KHDRBS2: variants seen among roughly 807,000 people sequenced by gnomAD.
KHDRBS2 encodes KH RNA binding domain containing, signal transduction associated 2, also known as KH domain-containing, RNA-binding, signal transduction-associated protein 2.
Under a neutral mutation model 44.3 loss-of-function variants are expected in KHDRBS2, and 26 were observed. The ratio of observed to expected loss-of-function variants is 0.59; its 90% CI spans 0.43 to 0.81. KHDRBS2 has a LOEUF of 0.81. KHDRBS2 is among the 40% of genes least tolerant of loss of function. KHDRBS2 has a pLI of 0.00. For missense variants in KHDRBS2, 476 were observed against 433.1 expected (o/e 1.10, Z -0.88); for synonymous variants, 194 against 151.1 (o/e 1.28, Z -2.08).
chr6:61,585,535 T>C, the KHDRBS2 span, among the ~76,000 whole-genome samples: 1 of 152,056 alleles, frequency 6.6e-6, no homozygotes, highest in African/African-American at 2.4e-5. Flanking sequence ...GCTTAGAAAA[T>C]ACGATTTGCA....
At chr6:62,186,890 C>T (rs757142193) in intron 1 of KHDRBS2, among the ~76,000 whole-genome samples, 8 of 152,006 alleles carry the variant, frequency 5.3e-5, no homozygotes, top group Non-Finnish European at 4.4e-5. Context: ...GTAGTCGTCC[C>T]ATTTCGGTCC....
chr6:62,070,908 T>TG (rs1794901386), intron 2 of KHDRBS2, among the ~76,000 whole-genome samples: 1 of 152,206 alleles, frequency 6.6e-6, no homozygotes, highest in Non-Finnish European at 1.5e-5. Context: ...CCTTGAGGAA[T>TG]GGCCACACTG....
the KHDRBS2 span, among the ~76,000 whole-genome samples, chr6:61,578,325 G>T: frequency 2.6e-5 from 4 of 152,040 alleles, no homozygotes; most frequent in Admixed American, 6.6e-5. Context: ...TGATCTTTCC[G>T]CAAAACAGTA....
intron 6 of KHDRBS2, among the ~76,000 whole-genome samples, chr6:61,867,918 A>T (rs767120333): frequency 5.9e-5 from 9 of 152,098 alleles, no homozygotes; most frequent in Non-Finnish European, 8.8e-5. Flanking sequence ...AGTTCTCCCT[A>T]GTCAGGAGAA....
the KHDRBS2 span, among the ~76,000 whole-genome samples, chr6:61,560,728 C>T: frequency 2.1e-4 from 32 of 152,168 alleles, no homozygotes; most frequent in East Asian, 3.5e-3. Flanking sequence ...TATGGTATCT[C>T]GAATTTCATT....
intron 6 of KHDRBS2, among the ~76,000 whole-genome samples, chr6:61,849,665 CA>C (rs1480358634): frequency 6.6e-6 from 1 of 151,186 alleles, no homozygotes; most frequent in Non-Finnish European, 1.5e-5. Context: ...AAATCTTTCC[CA>C]AAGACCCAGA....
chr6:61,562,344 G>C, the KHDRBS2 span, among the ~76,000 whole-genome samples: 1 of 152,138 alleles, frequency 6.6e-6, no homozygotes, highest in African/African-American at 2.4e-5. Context: ...GAATATCTCT[G>C]TTATGATCCT....
At chr6:62,178,424 T>C (rs1210626792) in intron 1 of KHDRBS2, among the ~76,000 whole-genome samples, 1 of 151,614 alleles carries the variant, frequency 6.6e-6, no homozygotes, top group Non-Finnish European at 1.5e-5. Context: ...TGCTTTATAT[T>C]GTGACTGCAA....
intron 6 of KHDRBS2, among the ~76,000 whole-genome samples, chr6:61,878,280 C>G (rs1034580635): frequency 1.3e-5 from 2 of 151,954 alleles, no homozygotes. Flanking sequence ...TAATAACCAA[C>G]TTAATTATTA....
chr6:61,566,562 T>C, the KHDRBS2 span, among the ~76,000 whole-genome samples: 1 of 152,160 alleles, frequency 6.6e-6, no homozygotes, highest in Non-Finnish European at 1.5e-5. Context: ...AATGAATACC[T>C]TCCCAAGGTT....
chr6:61,660,774 C>T, the KHDRBS2 span, among the ~76,000 whole-genome samples: 1 of 151,752 alleles, frequency 6.6e-6, no homozygotes, highest in South Asian at 2.1e-4. Context: ...TGAAATTGAA[C>T]TTCTCCTCTA....
At chr6:61,695,244 A>AACCC (rs1767781051) in intron 8 of KHDRBS2, among the ~76,000 whole-genome samples, 1 of 151,596 alleles carries the variant, frequency 6.6e-6, no homozygotes, top group African/African-American at 2.4e-5. Context: ...CAAACAAACA[A>AACCC]ACCCCCAAAT....
At chr6:61,847,867 A>T (rs1315413861) in intron 6 of KHDRBS2, among the ~76,000 whole-genome samples, 1 of 151,860 alleles carries the variant, frequency 6.6e-6, no homozygotes, top group African/African-American at 2.4e-5. Flanking sequence ...AATCAATTAC[A>T]TTTTAGAGGT....
At chr6:62,202,242 G>C (rs939499890) in intron 1 of KHDRBS2, among the ~76,000 whole-genome samples, 1 of 152,010 alleles carries the variant, frequency 6.6e-6, no homozygotes, top group African/African-American at 2.4e-5. Context: ...ATTCTTTAGA[G>C]ACTGTGTTCT....
intron 6 of KHDRBS2, among the ~76,000 whole-genome samples, chr6:61,847,987 T>C (rs901765697): frequency 2.0e-5 from 3 of 152,062 alleles, no homozygotes; most frequent in African/African-American, 7.2e-5. Flanking sequence ...TTGGTATTTG[T>C]TAGATACTTT....
intron 2 of KHDRBS2, among the ~76,000 whole-genome samples, chr6:62,058,661 C>G (rs1790881430): frequency 6.6e-6 from 1 of 151,732 alleles, no homozygotes. Flanking sequence ...CATTGGTGAG[C>G]AAGAGAATAG....
chr6:61,846,314 T>C (rs900760486), intron 6 of KHDRBS2, among the ~76,000 whole-genome samples: 9 of 152,360 alleles, frequency 5.9e-5, no homozygotes, highest in South Asian at 2.1e-4. Flanking sequence ...ATATTCTATA[T>C]GTAAATGTAT....
chr6:62,166,147 C>T (rs1818640842), intron 2 of KHDRBS2, among the ~76,000 whole-genome samples: 1 of 151,914 alleles, frequency 6.6e-6, no homozygotes, highest in African/African-American at 2.4e-5. Context: ...TAATGAAATT[C>T]TATTATTCTA....
At chr6:62,172,220 G>A (rs1319106642) in intron 2 of KHDRBS2, among the ~76,000 whole-genome samples, 2 of 151,938 alleles carry the variant, frequency 1.3e-5, no homozygotes, top group Non-Finnish European at 2.9e-5. Context: ...CAAAGTAATG[G>A]GATGGAGAAA....
Sources: allele counts gnomAD v4.1 joint callset (sites outside exome capture counted in the v4.1 genomes callset), GRCh38; gene constraint gnomAD v4.1.1; transcripts MANE v1.5; gene names NCBI Gene and HGNC (gene_info 2026-07-23, HGNC 2026-07-21).